SLC38A9: variants seen among roughly 807,000 people sequenced by gnomAD.
SLC38A9 encodes neutral amino acid transporter 9.
Under a neutral mutation model 62.3 loss-of-function variants are expected in SLC38A9, and 48 were observed. The ratio of observed to expected loss-of-function variants is 0.77; its 90% CI spans 0.61 to 0.98. SLC38A9 has a LOEUF of 0.98. SLC38A9 is among the 50% of genes least tolerant of loss of function. The pLI is 0.00. For synonymous variants in SLC38A9, 204 were observed against 227.7 expected (o/e 0.90, Z 0.94); for missense variants, 541 against 679.8 (o/e 0.80, Z 2.27).
chr5:55,711,943 A>G (rs190768653), intron 1 of SLC38A9, among the ~76,000 whole-genome samples: 134 of 152,272 alleles, frequency 8.8e-4, no homozygotes, highest in African/African-American at 3.2e-3. Flanking sequence ...ACCGACTCCC[A>G]TAGACACTCG....
At chr5:55,696,711 AC>A (rs1755843305) in intron 3 of SLC38A9, 1 of 112,922 alleles carries the variant, frequency 8.9e-6, no homozygotes, top group Non-Finnish European at 1.9e-5. Context: ...TGACCCCCCC[AC>A]CTCCCTCCCG....
At position 55,704,693 on chromosome 5, in the gene SLC38A9, CAGAA is replaced by C. The variant is rs773167075; in HGVS notation, c.-34-6705_-34-6702del. On this transcript the variant is annotated intron_variant, in intron 2 of 15. Transcript: ENST00000396865. Reference sequence around the variant, plus strand: ...CTCCAACAATGCATAAAAGCACTTTCAGAAAGAACTGCAAGGCATTAATTTGTCT... The same window carrying C: ...CTCCAACAATGCATAAAAGCACTTTCAGAACTGCAAGGCATTAATTTGTCT... Among the ~76,000 whole-genome samples, 4 of 152,200 alleles carry C rather than the reference CAGAA, an allele frequency of 2.6e-5. No homozygotes were observed. In the East Asian group the frequency reaches 5.8e-4, roughly 22 times the overall value.
intron 11 of SLC38A9, among the ~76,000 whole-genome samples, chr5:55,648,183 G>A (rs1746735317): frequency 6.6e-6 from 1 of 152,198 alleles, no homozygotes; most frequent in Admixed American, 6.5e-5. Flanking sequence ...AAGGTGCAGT[G>A]AGTTGAGACT....
chr5:55,711,903 C>A (rs186264963), intron 1 of SLC38A9, among the ~76,000 whole-genome samples: 5 of 152,310 alleles, frequency 3.3e-5, no homozygotes, highest in Admixed American at 3.3e-4. Flanking sequence ...TTTACCCCAA[C>A]CCTATCTTTT....
chr5:55,681,660 C>T (rs570455203), intron 3 of SLC38A9, among the ~76,000 whole-genome samples: 13 of 152,256 alleles, frequency 8.5e-5, no homozygotes, highest in South Asian at 8.3e-4. Context: ...TTAAGGTGAA[C>T]GAGCCTGACC....
intron 3 of SLC38A9, chr5:55,692,737 G>A: frequency 3.0e-6 from 3 of 985,284 alleles, no homozygotes; most frequent in Non-Finnish European, 3.6e-6. Flanking sequence ...GTAATGGAAT[G>A]CACTTTAATG....
At chr5:55,701,575 C>T (rs915475104) in intron 2 of SLC38A9, among the ~76,000 whole-genome samples, 1 of 152,150 alleles carries the variant, frequency 6.6e-6, no homozygotes, top group Non-Finnish European at 1.5e-5. Flanking sequence ...CTGCTTCTAT[C>T]CTTATCCCCC....
At position 55,673,709 on chromosome 5, in the gene SLC38A9, C is replaced by CT. The variant is rs201596512; in HGVS notation, c.114-1015dup. Among the ~76,000 whole-genome samples the CT allele has an allele frequency of 4.8e-3, 617 of 127,552 alleles. 4 individuals are homozygous for CT. Among genetic ancestry groups the CT allele is most frequent in the East Asian group, 0.013 (58 of 4,564 alleles). The allele number at this position is 127,552 out of a possible 152,430, so 83.7% of individuals were successfully genotyped here. On this transcript the variant is annotated intron_variant, in intron 3 of 15. Coordinates refer to ENST00000396865, the MANE Select transcript of SLC38A9 (RefSeq NM_173514.4). The stretch of plus-strand genomic sequence containing the variant: ...TTTCTGGAGATACTGTTAATCTAAT[C>CT]TTTTTTTTTTTTTTTTTTTTGAGAC...
At chr5:55,705,710 C>CT (rs35776949) in intron 2 of SLC38A9, among the ~76,000 whole-genome samples, 6,909 of 141,170 alleles carry the variant, frequency 0.049, 236 homozygotes, top group African/African-American at 0.11. Context: ...GCCTTAAACT[C>CT]TTTTTTTTTT....
intron 2 of SLC38A9, among the ~76,000 whole-genome samples, chr5:55,702,339 G>A (rs879356762): frequency 1.3e-5 from 2 of 151,240 alleles, no homozygotes; most frequent in Non-Finnish European, 2.9e-5. Flanking sequence ...ATGGCTCACT[G>A]CAGCCGCGAC....
intron 8 of SLC38A9, 50 bp from the exon 9 acceptor site, chr5:55,656,824 A>C: frequency 2.1e-6 from 2 of 940,220 alleles, no homozygotes; most frequent in Non-Finnish European, 3.3e-6. Context: ...AAGACACTAA[A>C]TCTATTACCC....
chr5:55,706,109 A>C (rs1757259299), intron 2 of SLC38A9, among the ~76,000 whole-genome samples: 1 of 152,188 alleles, frequency 6.6e-6, no homozygotes. Context: ...TTTTTCTTGA[A>C]GCAAGCTAGT....
chr5:55,704,482 C>A (rs950974486), intron 2 of SLC38A9: 3 of 152,124 alleles, frequency 2.0e-5, no homozygotes, highest in African/African-American at 2.4e-5. Flanking sequence ...TAAGTACAAG[C>A]ATTTAGAAAA....
At chr5:55,659,545 G>A (rs999800087) in intron 8 of SLC38A9, among the ~76,000 whole-genome samples, 20 of 151,524 alleles carry the variant, frequency 1.3e-4, no homozygotes, top group African/African-American at 4.4e-4. Context: ...CCACCACCAC[G>A]CCTGGCTAAT....
At chr5:55,664,972 T>A in intron 7 of SLC38A9, 109 bp from the exon 8 acceptor site, 1 of 565,316 alleles carries the variant, frequency 1.8e-6, no homozygotes, top group Non-Finnish European at 3.0e-6. Context: ...ATTATGGGTA[T>A]TCTATCGCTA....
In SLC38A9 at chr5:55,656,730, T is replaced by C. The variant is rs1390235953; in HGVS notation, c.742A>G (p.Asn248Asp). 2 of 1,598,844 alleles carry C rather than the reference T, an allele frequency of 1.3e-6. No homozygotes were observed. Among genetic ancestry groups the C allele is most frequent in the Non-Finnish European group, 8.6e-7 (1 of 1,167,596 alleles). ...INDTDTILST[N>D]NSNPVICPSA... ...AACTACTTACCAGGGTTGCTATTAT[T>C]GGTACTCAGTATAGTGTCTGTGTCA... The change falls in exon 9 of 16, where the codon AAT (asparagine) becomes GAT (aspartate). Residue 248 changes from asparagine to aspartate, a missense_variant. Asn to Asp is a conservative substitution (Grantham distance 23). Coordinates refer to ENST00000396865, the MANE Select transcript of SLC38A9 (RefSeq NM_173514.4).
intron 11 of SLC38A9, among the ~76,000 whole-genome samples, chr5:55,646,204 T>G (rs1746317290): frequency 6.6e-6 from 1 of 152,120 alleles, no homozygotes; most frequent in East Asian, 1.9e-4. Context: ...GGCGAAACCT[T>G]GTCTTTACTA....
intron 2 of SLC38A9, chr5:55,702,636 GCT>G (rs1400347628): frequency 6.6e-6 from 1 of 151,670 alleles, no homozygotes; most frequent in Non-Finnish European, 1.5e-5. Flanking sequence ...GAAAATACTT[GCT>G]CTTTTTTTTT....
Position 55,652,527 on chromosome 5 carries a change from A to G in SLC38A9, c.952+2T>C. 1 of 1,581,200 alleles carries G rather than the reference A, an allele frequency of 6.3e-7. No homozygotes were observed. The highest frequency in any genetic ancestry group is 1.9e-4 in the Middle Eastern group (1 of 5,356). On this transcript the variant is annotated splice_donor_variant, in intron 10 of 15. Transcript: ENST00000396865. LOFTEE classifies it high-confidence loss of function. ...TCTCCATAATTCAGTGCTACTACTTACCTAGGATATTAAATTTTGAAAAAA... is the reference window on the plus strand; with the variant it reads ...TCTCCATAATTCAGTGCTACTACTTGCCTAGGATATTAAATTTTGAAAAAA...
Sources: gnomAD v4.1 joint callset for allele counts (sites outside exome capture counted in the v4.1 genomes callset) on GRCh38, gnomAD v4.1.1 for gene constraint, MANE v1.5 for transcripts, NCBI Gene and HGNC (gene_info 2026-07-23, HGNC 2026-07-21) for gene names.